CTNNA3: variants seen among roughly 807,000 people sequenced by gnomAD.
CTNNA3 encodes the protein catenin alpha 3, also known as catenin alpha-3.
CTNNA3 carries 76 observed loss-of-function variants against 95.7 expected under a neutral mutation model. That is an observed-to-expected ratio of 0.79 (90% confidence interval 0.66 to 0.96). The LOEUF (loss-of-function observed/expected upper bound fraction) is 0.96, where lower values mean the gene tolerates loss of function less well. Among genes scored for constraint, CTNNA3 ranks in the 40% least tolerant of loss-of-function variants. CTNNA3 has a pLI of 0.00. For missense variants in CTNNA3, 1,191 were observed against 1,089.8 expected (o/e 1.09, Z -1.31); for synonymous variants, 431 against 374.4 (o/e 1.15, Z -1.74).
At chr10:66,579,636 C>A (rs1843118406) in intron 10 of CTNNA3, among the ~76,000 whole-genome samples, 2 of 151,660 alleles carry the variant, frequency 1.3e-5, no homozygotes, top group Non-Finnish European at 3.0e-5. Context: ...GATACTTCAA[C>A]CAAGATAGTC....
intron 2 of CTNNA3, among the ~76,000 whole-genome samples, chr10:67,641,455 C>A (rs572200938): frequency 3.9e-5 from 6 of 152,294 alleles, no homozygotes; most frequent in Admixed American, 3.3e-4. Context: ...GTGGTGATTC[C>A]TCAGGGGTCT....
rs1335029858 is a variant in CTNNA3, at chr10:66,495,784, T to G, written c.1531+24833A>C. On this transcript the variant is annotated intron_variant, in intron 11 of 17. Coordinates refer to ENST00000433211, the MANE Select transcript of CTNNA3 (RefSeq NM_013266.4). The stretch of plus-strand genomic sequence containing the variant: ...GATTCTCCTGCCTCAGCCTCCTGAG[T>G]AGCTGGGATTACAGGCGTGCACCAC... Among the ~76,000 whole-genome samples the G allele has an allele frequency of 2.0e-5, 3 of 152,156 alleles. No homozygotes were observed. In the East Asian group the frequency reaches 5.8e-4, roughly 29 times the overall value.
chr10:67,647,146 T>TTATATA (rs67324505), intron 2 of CTNNA3, among the ~76,000 whole-genome samples: 2,208 of 136,314 alleles, frequency 0.016, 24 homozygotes, highest in Middle Eastern at 0.038. Flanking sequence ...ACTCTGAAAA[T>TTATATA]TATATATATA....
chr10:66,484,716 C>A (rs188395355), intron 11 of CTNNA3, among the ~76,000 whole-genome samples: 1 of 151,962 alleles, frequency 6.6e-6, no homozygotes, highest in East Asian at 1.9e-4. Context: ...AGCTAAGGAC[C>A]AAACTCGTTT....
At chr10:66,087,850 C>T (rs991015463) in intron 14 of CTNNA3, among the ~76,000 whole-genome samples, 3 of 151,968 alleles carry the variant, frequency 2.0e-5, no homozygotes, top group African/African-American at 7.3e-5. Context: ...GGTAGTGCTA[C>T]TGTTTGGAAA....
chr10:66,693,447 C>T (rs1847636499), intron 9 of CTNNA3, among the ~76,000 whole-genome samples: 1 of 150,110 alleles, frequency 6.7e-6, no homozygotes, highest in South Asian at 2.1e-4. Context: ...ACAGGAGCAC[C>T]CAGATTCATA....
At chr10:66,408,983 A>G (rs2093078725) in intron 11 of CTNNA3, among the ~76,000 whole-genome samples, 1 of 152,162 alleles carries the variant, frequency 6.6e-6, no homozygotes, top group Admixed American at 6.5e-5. Context: ...GCATTGGCAT[A>G]CTTTTTTGCT....
At chr10:66,116,438 A>G (rs1426529244) in intron 13 of CTNNA3, among the ~76,000 whole-genome samples, 2 of 152,228 alleles carry the variant, frequency 1.3e-5, no homozygotes, top group Admixed American at 1.3e-4. Flanking sequence ...AAATATTTAT[A>G]GCAGATTTAT....
intron 7 of CTNNA3, among the ~76,000 whole-genome samples, chr10:67,028,736 G>T (rs935666755): frequency 6.6e-6 from 1 of 151,804 alleles, no homozygotes; most frequent in Non-Finnish European, 1.5e-5. Context: ...AACGATTAAG[G>T]TCTTCTAGGA....
chr10:67,324,286 G>A (rs1345381966), intron 5 of CTNNA3, among the ~76,000 whole-genome samples: 1 of 152,090 alleles, frequency 6.6e-6, no homozygotes, highest in East Asian at 1.9e-4. Flanking sequence ...GGTGAGAGAA[G>A]GCATCCTTGT....
rs186483297 is a variant in CTNNA3, at chr10:65,976,269, C to G, written c.2266-9523G>C. Reference sequence around the variant, plus strand: ...TAATCTTATTTGTCAATTATAAACTCGATTAATGTGGATTTGTTCCTTGAA... The same window carrying G: ...TAATCTTATTTGTCAATTATAAACTGGATTAATGTGGATTTGTTCCTTGAA... On this transcript the variant is annotated intron_variant, in intron 16 of 17. Transcript: ENST00000433211. 8.3e-4 allele frequency among the ~76,000 whole-genome samples: 127 copies of G among 152,154 alleles called. 2 individuals are homozygous for G. The highest frequency in any genetic ancestry group is 1.6e-3 in the Admixed American group (24 of 15,286).
chr10:67,234,468 C>T lies in CTNNA3; in HGVS notation c.580-14598G>A, dbSNP rs1395115663. 2.0e-5 allele frequency among the ~76,000 whole-genome samples: 3 copies of T among 152,314 alleles called. No homozygotes were observed. In the East Asian group the frequency reaches 5.8e-4, roughly 29 times the overall value. On this transcript the variant is annotated intron_variant, in intron 5 of 17. Transcript: ENST00000433211. ...GCCTTTGACAAAATTCAACAACCTTCATGCTAAAAACTCTCAATAAATTAG... is the reference window on the plus strand; with the variant it reads ...GCCTTTGACAAAATTCAACAACCTTTATGCTAAAAACTCTCAATAAATTAG...
intron 5 of CTNNA3, among the ~76,000 whole-genome samples, chr10:67,285,363 A>G (rs146400659): frequency 0.027 from 4,056 of 152,314 alleles, 78 homozygotes; most frequent in South Asian, 0.093. Flanking sequence ...CGGCTAGAGA[A>G]CTGCCCAAAG....
chr10:67,642,934 G>T (rs150124578), intron 2 of CTNNA3, among the ~76,000 whole-genome samples: 1 of 150,350 alleles, frequency 6.7e-6, no homozygotes, highest in East Asian at 1.9e-4. Flanking sequence ...AGACCTAGAT[G>T]CAGAAATACC....
chr10:67,296,762 C>T (rs376612607), intron 5 of CTNNA3, among the ~76,000 whole-genome samples: 4 of 151,548 alleles, frequency 2.6e-5, no homozygotes, highest in East Asian at 2.0e-4. Flanking sequence ...GGTGAAACCC[C>T]GTCTTTACTA....
chr10:67,610,414 T>G (rs184754505), intron 2 of CTNNA3, among the ~76,000 whole-genome samples: 1 of 152,372 alleles, frequency 6.6e-6, no homozygotes, highest in Admixed American at 6.5e-5. Flanking sequence ...CCAATACAGT[T>G]ATTTGATATT....
At chr10:67,615,188 G>C (rs531585614) in intron 2 of CTNNA3, among the ~76,000 whole-genome samples, 3 of 152,062 alleles carry the variant, frequency 2.0e-5, no homozygotes, top group Non-Finnish European at 4.4e-5. Context: ...TATAATTTAG[G>C]GTTTTGTTTG....
chr10:66,821,005 T>C (rs1842288055), intron 7 of CTNNA3, among the ~76,000 whole-genome samples: 1 of 152,114 alleles, frequency 6.6e-6, no homozygotes, highest in Admixed American at 6.6e-5. Context: ...CTCCATCCAC[T>C]ACAACATGTT....
At chr10:67,048,625 G>C (rs903447540) in intron 7 of CTNNA3, among the ~76,000 whole-genome samples, 9 of 151,972 alleles carry the variant, frequency 5.9e-5, no homozygotes, top group African/African-American at 2.2e-4. Context: ...TTGAAAATTG[G>C]GATACTTTTT....
Sources: gnomAD v4.1 joint callset for allele counts (sites outside exome capture counted in the v4.1 genomes callset) on GRCh38, gnomAD v4.1.1 for gene constraint, MANE v1.5 for transcripts, NCBI Gene and HGNC (gene_info 2026-07-23, HGNC 2026-07-21) for gene names.